Variants in TXLNB observed in about 807,000 individuals in gnomAD.
TXLNB encodes taxilin beta.
Under a neutral mutation model 57.4 loss-of-function variants are expected in TXLNB, and 37 were observed. The observed-to-expected ratio is 0.64, with a 90% CI of 0.50 to 0.85. TXLNB has a LOEUF of 0.85. TXLNB is among the 40% of genes least tolerant of loss of function. TXLNB has a pLI of 0.00. For synonymous variants in TXLNB, 302 were observed against 309.6 expected, an observed-to-expected ratio of 0.98 and a Z score of 0.26; for missense variants, 848 against 825.6, an observed-to-expected ratio of 1.03 and a Z score of -0.33.
rs754802319 is a variant in TXLNB, at chr6:139,242,711, G to C, written c.1870C>G (p.Gln624Glu). 22 of 1,612,444 alleles carry C rather than the reference G, an allele frequency of 1.4e-5. No homozygotes were observed. The highest frequency in any genetic ancestry group is 1.7e-4 in the Middle Eastern group (1 of 6,056). The change falls in exon 10 of 10, where the codon CAG (glutamine) becomes GAG (glutamate). Residue 624 changes from glutamine to glutamate, a missense_variant. Gln to Glu is a conservative substitution (Grantham distance 29). Transcript: ENST00000358430. Reference protein sequence around the residue: ...APQAPTEASLQKMEADVPAPA... With the variant: ...APQAPTEASLEKMEADVPAPA... ...GCAGGCACATCTGCCTCCATCTTCT[G>C]TAGGGAGGCCTCGGTGGGAGCCTGT... is the stretch of plus-strand genomic sequence containing the variant.
chr6:139,171,727 A>G, the TXLNB span, among the ~76,000 whole-genome samples: 3 of 152,158 alleles, frequency 2.0e-5, no homozygotes, highest in African/African-American at 7.2e-5. Context: ...GCTGAGCTCA[A>G]GCAGTCCTCC....
chr6:139,297,200 G>C, the TXLNB span, among the ~76,000 whole-genome samples: 7 of 152,132 alleles, frequency 4.6e-5, no homozygotes, highest in African/African-American at 1.7e-4. Context: ...TAACATTAGA[G>C]CTTCCCTTTT....
the TXLNB span, among the ~76,000 whole-genome samples, chr6:139,161,042 T>G: frequency 1.3e-5 from 2 of 151,930 alleles, no homozygotes. Context: ...TGTGTGTGTG[T>G]GGTGTGTGTG....
At chr6:139,268,967 A>AT (rs1038475025) in intron 4 of TXLNB, 4 of 152,252 alleles carry the variant, frequency 2.6e-5, no homozygotes, top group African/African-American at 9.6e-5. Context: ...TGGCGCAATC[A>AT]TAACTTACTG....
the TXLNB span, among the ~76,000 whole-genome samples, chr6:139,319,233 A>G: frequency 6.8e-6 from 1 of 146,712 alleles, no homozygotes; most frequent in South Asian, 2.2e-4. Flanking sequence ...TGAGCACCAC[A>G]CCCAGCCAAT....
At chr6:139,229,850 C>G in the TXLNB span, among the ~76,000 whole-genome samples, 2 of 152,166 alleles carry the variant, frequency 1.3e-5, no homozygotes, top group African/African-American at 4.8e-5. Context: ...ATTAAATATT[C>G]TCTGATAGAC....
the TXLNB span, among the ~76,000 whole-genome samples, chr6:139,200,242 T>G: frequency 6.6e-6 from 1 of 152,148 alleles, no homozygotes; most frequent in Non-Finnish European, 1.5e-5. Flanking sequence ...GCTCTTCCAG[T>G]GTCTTCTGTT....
At chr6:139,175,716 G>A in the TXLNB span, among the ~76,000 whole-genome samples, 80 of 152,290 alleles carry the variant, frequency 5.3e-4, 1 homozygote, top group East Asian at 0.013. Flanking sequence ...TCACAGCCAT[G>A]ACTGCACCGT....
chr6:139,181,758 A>C, the TXLNB span, among the ~76,000 whole-genome samples: 1 of 152,314 alleles, frequency 6.6e-6, no homozygotes, highest in South Asian at 2.1e-4. Context: ...CTTATAAAGA[A>C]TGTTAACATG....
the TXLNB span, among the ~76,000 whole-genome samples, chr6:139,214,797 A>G: frequency 6.6e-6 from 1 of 152,250 alleles, no homozygotes; most frequent in Admixed American, 6.5e-5. Context: ...TACAAAATCA[A>G]TGTGCAAAAA....
the TXLNB span, among the ~76,000 whole-genome samples, chr6:139,226,918 G>A: frequency 2.0e-5 from 3 of 152,116 alleles, no homozygotes; most frequent in East Asian, 1.9e-4. Flanking sequence ...TCCCAGCTAC[G>A]CGGGAGGCTT....
chr6:139,263,052 T>C (rs1776527078), intron 4 of TXLNB, among the ~76,000 whole-genome samples: 1 of 152,216 alleles, frequency 6.6e-6, no homozygotes, highest in Admixed American at 6.5e-5. Flanking sequence ...GTGAATGAAC[T>C]GCAGCGATTT....
chr6:139,166,005 G>A, the TXLNB span: 70 of 326,992 alleles, frequency 2.1e-4, no homozygotes, highest in Non-Finnish European at 3.3e-4. Context: ...GTATGAGACC[G>A]TCTATGTTCC....
the TXLNB span, chr6:139,178,714 A>G: frequency 6.6e-5 from 10 of 152,174 alleles, no homozygotes; most frequent in African/African-American, 2.4e-4. Flanking sequence ...AGCTGGGACT[A>G]TAGGCACGTG....
chr6:139,199,728 T>C, the TXLNB span, among the ~76,000 whole-genome samples: 5 of 152,046 alleles, frequency 3.3e-5, no homozygotes, highest in East Asian at 1.9e-4. Context: ...AAGGCCTTGA[T>C]TGGTGCCTTT....
At chr6:139,167,088 A>C in the TXLNB span, 1 of 1,614,214 alleles carries the variant, frequency 6.2e-7, no homozygotes, top group Non-Finnish European at 8.5e-7. Context: ...ATCCCCAGGC[A>C]TAAGCTGAAC....
chr6:139,311,515 G>T, the TXLNB span, among the ~76,000 whole-genome samples: 2 of 133,948 alleles, frequency 1.5e-5, no homozygotes, highest in Non-Finnish European at 3.2e-5. Context: ...GGGGGTGGGG[G>T]GGTGTGCGTG....
chr6:139,215,177 C>T, the TXLNB span, among the ~76,000 whole-genome samples: 1 of 152,266 alleles, frequency 6.6e-6, no homozygotes, highest in South Asian at 2.1e-4. Flanking sequence ...CAAGTCAATC[C>T]TAAGCCAAAA....
rs563726309 is a variant in TXLNB at position 139,283,343 on chromosome 6, G to A, written c.424+5133C>T. Reference sequence around the variant, plus strand: ...TGTAATCCCAGCACTTTGGGAGACCGACGCAGGCGGATCACCTGAGGTCGG... The same window carrying A: ...TGTAATCCCAGCACTTTGGGAGACCAACGCAGGCGGATCACCTGAGGTCGG... On this transcript the variant is annotated intron_variant, in intron 2 of 9. Transcript: ENST00000358430. Among the ~76,000 whole-genome samples the A allele has an allele frequency of 1.4e-4, 20 of 142,760 alleles. 1 individual carries two copies. Among genetic ancestry groups the A allele is most frequent in the African/African-American group, 5.2e-4 (20 of 38,760 alleles). 93.7% of individuals were successfully genotyped at this position (142,760 alleles called of 152,430 possible).
Sources: allele counts gnomAD v4.1 joint callset (sites outside exome capture counted in the v4.1 genomes callset), GRCh38; gene constraint gnomAD v4.1.1; transcripts MANE v1.5; gene names NCBI Gene and HGNC (gene_info 2026-07-23, HGNC 2026-07-21).